Variants in KCNT1 observed in about 807,000 individuals in gnomAD.
KCNT1 encodes potassium sodium-activated channel subfamily T member 1, also known as potassium channel subfamily T member 1.
Under a neutral mutation model 147.8 loss-of-function variants are expected in KCNT1, and 78 were observed. The observed-to-expected ratio is 0.53, with a 90% confidence interval of 0.44 to 0.64. The LOEUF is 0.64. Ranked by LOEUF, KCNT1 falls within the 30% of genes least tolerant of loss-of-function variation. The pLI, the probability that KCNT1 is intolerant of heterozygous loss-of-function variation, is 0.00. For missense variants in KCNT1, 1,419 were observed against 1,750.3 expected (o/e 0.81, Z 3.38); for synonymous variants, 867 against 748.8 (o/e 1.16, Z -2.58).
intron 2 of KCNT1, among the ~76,000 whole-genome samples, chr9:135,725,312 G>A (rs947597263): frequency 6.6e-6 from 1 of 152,362 alleles, no homozygotes; most frequent in African/African-American, 2.4e-5. Flanking sequence ...TAGAAACACG[G>A]TCTTTGCAGA....
At chr9:135,753,912 G>T (rs371106390) in intron 4 of KCNT1, 25 bp from the exon 5 acceptor site, 1 of 1,613,724 alleles carries the variant, frequency 6.2e-7, no homozygotes, top group Non-Finnish European at 8.5e-7. Context: ...GGCCAGGGCC[G>T]GGCCAGCGCT....
rs1213944636 is a variant in KCNT1, at chr9:135,714,963, C to T, written c.254+243C>T. 6.6e-6 allele frequency among the ~76,000 whole-genome samples: 1 copy of T among 152,194 alleles called. No individual in the cohort carries two copies. Among genetic ancestry groups the T allele is most frequent in the Admixed American group, 6.5e-5 (1 of 15,282 alleles). On this transcript the variant is annotated intron_variant, in intron 2 of 30. Coordinates refer to ENST00000371757, the MANE Select transcript of KCNT1 (RefSeq NM_020822.3). The surrounding 1 kb of genome is among the most constrained non-coding windows in gnomAD (Gnocchi z 6.2). ...CTCGGAGCTGCGGAGTCTTCCAGAG[C>T]CCGACTTGGGGCGCGGAGGCGGAGG...
At chr9:135,786,149 C>A in intron 28 of KCNT1, 48 bp from the exon 29 acceptor site, 1 of 1,548,832 alleles carries the variant, frequency 6.5e-7, no homozygotes, top group Non-Finnish European at 8.7e-7. Flanking sequence ...CCGCGACCCT[C>A]CCGGCAGCCT....
chr9:135,760,019 A>T (rs1831810248), intron 11 of KCNT1, among the ~76,000 whole-genome samples, 160 bp downstream of exon 11: 1 of 151,884 alleles, frequency 6.6e-6, no homozygotes. Context: ...GCACGCCCCC[A>T]CTGAGGGTCT....
intron 24 of KCNT1, among the ~76,000 whole-genome samples, chr9:135,780,056 C>T (rs892320955): frequency 1.3e-5 from 2 of 152,238 alleles, no homozygotes; most frequent in Non-Finnish European, 2.9e-5. Context: ...CCTTGGAGCT[C>T]CATGAAGGGC....
intron 2 of KCNT1, among the ~76,000 whole-genome samples, chr9:135,731,985 TATATATAGAGAGAGAGAG>T (rs1184955645): frequency 1.2e-3 from 28 of 23,258 alleles, no homozygotes; most frequent in African/African-American, 2.6e-3. Context: ...TATATATATA[TATATATAGAGAGAGAGAG>T]AGAGAGAGAG....
At chr9:135,759,310 A>C (rs1297648404) in intron 10 of KCNT1, among the ~76,000 whole-genome samples, 1 of 152,056 alleles carries the variant, frequency 6.6e-6, no homozygotes, top group African/African-American at 2.4e-5. Flanking sequence ...CCCCTGTGTC[A>C]CCCAAGCCCA....
intron 2 of KCNT1, among the ~76,000 whole-genome samples, chr9:135,732,988 G>A (rs1000777386): frequency 6.6e-6 from 1 of 151,892 alleles, no homozygotes; most frequent in Non-Finnish European, 1.5e-5. Context: ...GAGGATTCCG[G>A]CACTCCCAGT....
chr9:135,710,657 C>T (rs1015618568), intron 1 of KCNT1, among the ~76,000 whole-genome samples: 2 of 152,214 alleles, frequency 1.3e-5, no homozygotes, highest in African/African-American at 2.4e-5. Flanking sequence ...CGCAGAGTGT[C>T]AGCTGCTGTG....
rs149785377 is a variant in KCNT1, at chr9:135,770,134, C to T, written c.1619+79C>T. On this transcript the variant is annotated intron_variant, in intron 16 of 30. Transcript: ENST00000371757. ...AGACAACGCAGGGCCTGCTTGGGGG[C>T]GGGGATGGGCTTCCCAGAGGAGGGG... 4.6e-4 allele frequency: 639 copies of T among 1,402,522 alleles called. 6 individuals carry two copies. In the East Asian group the frequency reaches 0.013, roughly 28 times the overall value. The allele number at this position is 1,402,522 out of a possible 1,614,324, so 86.9% of individuals were successfully genotyped here. A position where few individuals can be genotyped will look rare whatever the true frequency, so the allele number is the denominator to read the frequency against.
chr9:135,708,671 C>T (rs1835354674), intron 1 of KCNT1, among the ~76,000 whole-genome samples: 1 of 152,228 alleles, frequency 6.6e-6, no homozygotes, highest in East Asian at 1.9e-4. Context: ...CCACTTCAGC[C>T]TCCTGAGTAG....
At chr9:135,785,636 T>G in intron 28 of KCNT1, 1 of 571,358 alleles carries the variant, frequency 1.8e-6, no homozygotes, top group Non-Finnish European at 3.1e-6. Flanking sequence ...CATGCCCATC[T>G]GGCCTGACCA....
intron 2 of KCNT1, among the ~76,000 whole-genome samples, chr9:135,727,441 T>TCC (rs1435039508): frequency 7.0e-6 from 1 of 142,916 alleles, no homozygotes; most frequent in Non-Finnish European, 1.5e-5. Context: ...CCTCTCCCTC[T>TCC]CTCTCTCTCT....
At chr9:135,731,100 A>G (rs896098042) in intron 2 of KCNT1, among the ~76,000 whole-genome samples, 1 of 151,372 alleles carries the variant, frequency 6.6e-6, no homozygotes, top group Non-Finnish European at 1.5e-5. Context: ...GTCCCCTCTG[A>G]GATCCCACCG....
rs754629346 is a variant in KCNT1, at chr9:135,772,764, CGGCGGT to C, written c.2061_2066del (p.Gly691_Gly692del). The C allele has an allele frequency of 3.7e-5, 54 of 1,476,612 alleles. No individual in the cohort carries two copies. The highest frequency in any genetic ancestry group is 4.7e-5 in the Non-Finnish European group (52 of 1,110,952). The allele number at this position is 1,476,612 out of a possible 1,614,324, so 91.5% of individuals were successfully genotyped here. ...GCACAGAGCACCGGCCTACGCAGAG[CGGCGGT>C]GGGGGCGGGGGCAGCAAGCTGGCAC... On this transcript the variant is annotated inframe_deletion, in exon 19 of 31. Coordinates refer to ENST00000371757, the MANE Select transcript of KCNT1 (RefSeq NM_020822.3).
At chr9:135,751,142 GT>G in intron 4 of KCNT1, 101 bp downstream of exon 4, 2 of 1,116,438 alleles carry the variant, frequency 1.8e-6, no homozygotes, top group Non-Finnish European at 2.7e-6. Context: ...GGGAGCCCCT[GT>G]GCCTGGGGCC....
At position 135,768,422 on chromosome 9, in the gene KCNT1, T is replaced by TCCCGCCTTCCATCCTC. The variant is rs539267974; in HGVS notation, c.1338-171_1338-156dup. On this transcript the variant is annotated intron_variant, in intron 13 of 30. Transcript: ENST00000371757. ...TGACCAGCAGAGAGTAGGGGCCTCCTCCCGCCTTCCATCCTCCCCGCCTTC... is the reference window on the plus strand; with the variant it reads ...TGACCAGCAGAGAGTAGGGGCCTCCTCCCGCCTTCCATCCTCCCCGCCTTCCATCCTCCCCGCCTTC... 0.017 allele frequency: 6,656 copies of TCCCGCCTTCCATCCTC among 393,480 alleles called. 352 individuals are homozygous for TCCCGCCTTCCATCCTC. Among genetic ancestry groups the TCCCGCCTTCCATCCTC allele is most frequent in the African/African-American group, 0.12 (5,519 of 44,228 alleles). The allele number at this position is 393,480 out of a possible 1,614,324, so 24.4% of individuals were successfully genotyped here.
intron 6 of KCNT1, 47 bp from the exon 7 acceptor site, chr9:135,756,826 C>A: frequency 6.4e-7 from 1 of 1,553,378 alleles, no homozygotes; most frequent in Non-Finnish European, 8.9e-7. Flanking sequence ...AGGCCCCAGC[C>A]CCAGCCCCGG....
rs887890704 is a variant in KCNT1 at position 135,756,751 on chromosome 9, G to A, written c.541-122G>A. 6 of 841,350 alleles carry A rather than the reference G, an allele frequency of 7.1e-6. No homozygotes were observed. The African/African-American group carries it at 9.9e-5, about 14-fold the overall frequency. 52.1% of individuals were successfully genotyped at this position (841,350 alleles called of 1,614,324 possible). Reference sequence around the variant, plus strand: ...AGACTGTCCTGACATGGGAGTGAGGGTCAAGGCAGACCCCAGACACACACC... The same window carrying A: ...AGACTGTCCTGACATGGGAGTGAGGATCAAGGCAGACCCCAGACACACACC... On this transcript the variant is annotated intron_variant, in intron 6 of 30. Transcript: ENST00000371757.
Sources: gnomAD v4.1 joint callset for allele counts (sites outside exome capture counted in the v4.1 genomes callset) on GRCh38, gnomAD v4.1.1 for gene constraint, Gnocchi (gnomAD v3.1) non-coding constraint, MANE v1.5 for transcripts, NCBI Gene and HGNC (gene_info 2026-07-23, HGNC 2026-07-21) for gene names.